Variants in KLHL14 observed in about 807,000 individuals in gnomAD.
The protein encoded by KLHL14 is kelch like family member 14.
In KLHL14, 22 loss-of-function variants were observed where a neutral mutation model predicts 64.3. The observed-to-expected ratio is 0.34, with a 90% CI of 0.24 to 0.49. KLHL14 has a LOEUF of 0.49. Ranked by LOEUF, KLHL14 falls within the 20% of genes least tolerant of loss-of-function variation. KLHL14 has a pLI of 0.99. For missense variants in KLHL14, 661 were observed against 789.0 expected (o/e 0.84, Z 1.94); for synonymous variants, 322 against 333.4 (o/e 0.97, Z 0.37).
At chr18:32,744,911 G>A (rs923407153) in intron 2 of KLHL14, 12 of 152,196 alleles carry the variant, frequency 7.9e-5, no homozygotes, top group Non-Finnish European at 1.3e-4. Context: ...GTGGGCAAAC[G>A]GTAACACCCT....
chr18:32,754,375 G>A (rs900595667), intron 2 of KLHL14, among the ~76,000 whole-genome samples: 4 of 152,106 alleles, frequency 2.6e-5, no homozygotes, highest in African/African-American at 9.7e-5. Context: ...TTGACCTAAG[G>A]AAACTTTGGC....
chr18:32,680,931 T>C lies in KLHL14; in HGVS notation c.1239-332A>G, dbSNP rs1049852211. ...TATTCGGTACCTTGTAAGGATATCG[T>C]AGCTCTGTAAGGCAAAGTGAAAAAT... On this transcript the variant is annotated intron_variant, in intron 5 of 8. Coordinates refer to ENST00000359358, the MANE Select transcript of KLHL14 (RefSeq NM_020805.3). This position sits in a 1 kb window ranked among gnomAD's most constrained non-coding sequence, Gnocchi z 4.8. Among the ~76,000 whole-genome samples the C allele has an allele frequency of 7.9e-5, 12 of 152,192 alleles. 1 individual carries two copies. Among genetic ancestry groups the C allele is most frequent in the Admixed American group, 6.6e-4 (10 of 15,266 alleles).
intron 3 of KLHL14, among the ~76,000 whole-genome samples, chr18:32,728,839 A>T (rs2050120178): frequency 6.6e-6 from 1 of 152,168 alleles, no homozygotes; most frequent in Non-Finnish European, 1.5e-5. Context: ...AGAGACAGAG[A>T]TTGAAGTGAT....
In KLHL14 at chr18:32,673,082, A is replaced by G. The variant is rs1205762030; in HGVS notation, c.*1575T>C. The stretch of plus-strand genomic sequence containing the variant: ...GAAATGACAGTTGATTGCACTGGAT[A>G]TACATATATTTATATATATATATTT... On this transcript the variant is annotated 3_prime_UTR_variant, in exon 9 of 9. Transcript: ENST00000359358. 1 of 152,492 alleles carries G rather than the reference A, an allele frequency of 6.6e-6. No homozygotes were observed. Among genetic ancestry groups the G allele is most frequent in the African/African-American group, 2.4e-5 (1 of 41,420 alleles). 9.4% of individuals were successfully genotyped at this position (152,492 alleles called of 1,614,324 possible).
intron 3 of KLHL14, among the ~76,000 whole-genome samples, chr18:32,740,559 C>G (rs1394444660): frequency 6.6e-6 from 1 of 152,150 alleles, no homozygotes; most frequent in African/African-American, 2.4e-5. Flanking sequence ...CAGGCTTTCA[C>G]TATTGGTCAA....
chr18:32,684,723 T>C (rs921040182), intron 5 of KLHL14, among the ~76,000 whole-genome samples: 2 of 152,234 alleles, frequency 1.3e-5, no homozygotes, highest in African/African-American at 4.8e-5. Flanking sequence ...ATTCATGATC[T>C]ACACAATGTA....
intron 3 of KLHL14, among the ~76,000 whole-genome samples, chr18:32,729,832 C>A (rs375131633): frequency 2.1e-4 from 32 of 152,230 alleles, no homozygotes; most frequent in African/African-American, 7.0e-4. Context: ...CATGGGGACA[C>A]AATTCAACTC....
In KLHL14 at chr18:32,725,794, G is replaced by A. The variant is rs191359383; in HGVS notation, c.1069+16134C>T. ...TATCCCCTGAGAGTCAGTACAGCTT[G>A]TGACTTAAGGTGTGATTTCTGGAGT... On this transcript the variant is annotated intron_variant, in intron 3 of 8. Transcript: ENST00000359358. Among the ~76,000 whole-genome samples, 4 of 152,336 alleles carry A rather than the reference G, an allele frequency of 2.6e-5. No homozygotes were observed. The East Asian group carries it at 7.7e-4, about 29-fold the overall frequency.
intron 2 of KLHL14, among the ~76,000 whole-genome samples, chr18:32,768,036 C>T (rs541738624): frequency 4.3e-4 from 65 of 152,250 alleles, no homozygotes; most frequent in African/African-American, 1.4e-3. Flanking sequence ...CAAGGCCCAT[C>T]GCCCATCACA....
chr18:32,710,255 A>C (rs1598558479), intron 3 of KLHL14, among the ~76,000 whole-genome samples: 1 of 152,184 alleles, frequency 6.6e-6, no homozygotes, highest in Non-Finnish European at 1.5e-5. Flanking sequence ...AAATAAACAA[A>C]GTTTCTTTGA....
chr18:32,771,906 C>A (rs975746495), intron 1 of KLHL14: 2 of 164,068 alleles, frequency 1.2e-5, no homozygotes, highest in Non-Finnish European at 2.6e-5. Context: ...CCCCAGCGGC[C>A]CCCCACTCGG....
intron 3 of KLHL14, among the ~76,000 whole-genome samples, chr18:32,716,971 C>G (rs2050049337): frequency 6.6e-6 from 1 of 152,116 alleles, no homozygotes; most frequent in African/African-American, 2.4e-5. Flanking sequence ...TAGACTGGGC[C>G]TATAAGAGAA....
intron 5 of KLHL14, among the ~76,000 whole-genome samples, chr18:32,686,757 ATAATT>A (rs1484196723): frequency 6.6e-6 from 1 of 152,124 alleles, no homozygotes; most frequent in Non-Finnish European, 1.5e-5. Context: ...TTAATATTAA[ATAATT>A]TAATATTGAG....
At chr18:32,696,252 C>A (rs2049936241) in intron 3 of KLHL14, among the ~76,000 whole-genome samples, 1 of 152,134 alleles carries the variant, frequency 6.6e-6, no homozygotes, top group Admixed American at 6.6e-5. Context: ...TCTCCCTTCT[C>A]TCTGCCCAAA....
intron 4 of KLHL14, 115 bp from the exon 5 acceptor site, chr18:32,687,348 A>G: frequency 1.2e-6 from 1 of 831,168 alleles, no homozygotes; most frequent in Middle Eastern, 2.3e-4. Flanking sequence ...TGAATTAAGT[A>G]GAGGGAATAC....
rs539846279 is a variant in KLHL14, at chr18:32,696,127, C to G, written c.1070-575G>C. ...TCCTCCAAATGTATACGCTTAATAT[C>G]CTGTACAATGTCATTAGCAGCACAA... On this transcript the variant is annotated intron_variant, in intron 3 of 8. Coordinates refer to ENST00000359358, the MANE Select transcript of KLHL14 (RefSeq NM_020805.3). 7.2e-5 allele frequency among the ~76,000 whole-genome samples: 11 copies of G among 152,300 alleles called. No individual in the cohort carries two copies. The East Asian group carries it at 7.7e-4, about 11-fold the overall frequency.
chr18:32,752,862 C>A (rs1598576701), intron 2 of KLHL14, among the ~76,000 whole-genome samples: 1 of 144,340 alleles, frequency 6.9e-6, no homozygotes, highest in South Asian at 2.2e-4. Flanking sequence ...CGGCTCACTG[C>A]AAGCTCCGCC....
In KLHL14 at chr18:32,677,401, T is replaced by TC; in HGVS notation, c.1589-72_1589-71insG. 17 of 1,396,558 alleles carry TC rather than the reference T, an allele frequency of 1.2e-5. 1 individual carries two copies. In the South Asian group the frequency reaches 2.5e-4, roughly 21 times the overall value. The allele number at this position is 1,396,558 out of a possible 1,614,324, so 86.5% of individuals were successfully genotyped here. On this transcript the variant is annotated intron_variant, in intron 7 of 8. Transcript: ENST00000359358. ...GGTCCCAATTTAAGGCTAGGGCTTC[T>TC]TTTAAAAACAAGTCTCAAGCCAAAA... is the stretch of plus-strand genomic sequence containing the variant.
At chr18:32,695,889 A>G (rs547804285) in intron 3 of KLHL14, among the ~76,000 whole-genome samples, 1 of 152,018 alleles carries the variant, frequency 6.6e-6, no homozygotes, top group East Asian at 1.9e-4. Context: ...AATGACTGAC[A>G]CTCCTAAATG....
Sources: allele counts gnomAD v4.1 joint callset (sites outside exome capture counted in the v4.1 genomes callset), GRCh38; gene constraint gnomAD v4.1.1; non-coding constraint Gnocchi (gnomAD v3.1); transcripts MANE v1.5; gene names NCBI Gene and HGNC (gene_info 2026-07-23, HGNC 2026-07-21).